Variants in SMYD1 observed in about 807,000 individuals in gnomAD.
SMYD1 encodes histone-lysine N-methyltransferase SMYD1.
Under a neutral mutation model 54.0 loss-of-function variants are expected in SMYD1, and 49 were observed. The observed-to-expected ratio is 0.91, with a 90% CI of 0.72 to 1.15. The LOEUF is 1.15. SMYD1 is among the 50% of genes most tolerant of loss of function. SMYD1 has a pLI of 0.00. For missense variants in SMYD1, 653 were observed against 639.6 expected (o/e 1.02, Z -0.23); for synonymous variants, 269 against 234.2 (o/e 1.15, Z -1.36).
intron 1 of SMYD1, among the ~76,000 whole-genome samples, chr2:88,083,628 A>C (rs1226051548): frequency 6.6e-6 from 1 of 151,920 alleles, no homozygotes; most frequent in East Asian, 1.9e-4. Context: ...TTTTGCATAC[A>C]ATACTGTGTT....
chr2:88,086,529 C>T (rs1417270311), intron 2 of SMYD1, among the ~76,000 whole-genome samples: 1 of 152,180 alleles, frequency 6.6e-6, no homozygotes, highest in Non-Finnish European at 1.5e-5. Context: ...CCTCCTGTCC[C>T]ACCTGGCCTC....
chr2:88,101,490 AG>A (rs1475610554), intron 6 of SMYD1, among the ~76,000 whole-genome samples: 1 of 152,262 alleles, frequency 6.6e-6, no homozygotes, highest in Non-Finnish European at 1.5e-5. Context: ...TCAATCCTAT[AG>A]GCACATACAC....
intron 3 of SMYD1, among the ~76,000 whole-genome samples, chr2:88,089,585 GTT>G (rs59808789): frequency 8.0e-4 from 86 of 107,000 alleles, no homozygotes; most frequent in Admixed American, 1.1e-3. Context: ...GCTTCTACCT[GTT>G]TTTTTTTTTT....
chr2:88,104,304 C>G lies in SMYD1; in HGVS notation c.981+1154C>G, dbSNP rs13412687. ...TATTTCCCTTCTCCTCTTCCTCCTT[C>G]TTTACTAACTCATTTATTGCACATT... On this transcript the variant is annotated intron_variant, in intron 7 of 9. Transcript: ENST00000419482. 8.1e-3 allele frequency among the ~76,000 whole-genome samples: 1,238 copies of G among 152,304 alleles called. 17 individuals are homozygous for G. Among genetic ancestry groups the G allele is most frequent in the African/African-American group, 0.028 (1,155 of 41,560 alleles).
chr2:88,073,343 C>A (rs1673990299), intron 1 of SMYD1, among the ~76,000 whole-genome samples: 1 of 152,260 alleles, frequency 6.6e-6, no homozygotes, highest in African/African-American at 2.4e-5. Flanking sequence ...CATGTCCTTG[C>A]TACTGTGGAT....
intron 3 of SMYD1, among the ~76,000 whole-genome samples, chr2:88,088,470 G>C (rs1315645731): frequency 6.6e-6 from 1 of 152,076 alleles, no homozygotes; most frequent in Non-Finnish European, 1.5e-5. Flanking sequence ...GAGGCCAAGA[G>C]GACTGAAGGA....
At chr2:88,102,670 T>C (rs750912463) in intron 6 of SMYD1, among the ~76,000 whole-genome samples, 4 of 152,236 alleles carry the variant, frequency 2.6e-5, no homozygotes, top group Non-Finnish European at 5.9e-5. Flanking sequence ...TGTAAGGATG[T>C]ACCTGTGGAA....
At chr2:88,069,338 G>T (rs753005836) in intron 1 of SMYD1, among the ~76,000 whole-genome samples, 1 of 152,158 alleles carries the variant, frequency 6.6e-6, no homozygotes, top group South Asian at 2.1e-4. Context: ...AGGGAAAAGG[G>T]TGTGAACTGG....
Position 88,087,853 on chromosome 2 carries a change from T to TTAA in SMYD1, c.315-8_315-7insAAT. 6.4e-7 allele frequency: 1 copy of TTAA among 1,558,874 alleles called. No individual in the cohort carries two copies. The highest frequency in any genetic ancestry group is 8.7e-7 in the Non-Finnish European group (1 of 1,151,726). ...CTGTAGTGGCCTCCTGACGCTGCCCTTCCCACAGGCTGGCGGCGCGCATCA... is the reference window on the plus strand; with the variant it reads ...CTGTAGTGGCCTCCTGACGCTGCCCTTAATCCCACAGGCTGGCGGCGCGCATCA... On this transcript the variant is annotated splice_polypyrimidine_tract_variant and intron_variant, in intron 2 of 9. Transcript: ENST00000419482.
chr2:88,109,397 G>A (rs1674958510), intron 9 of SMYD1, among the ~76,000 whole-genome samples: 1 of 152,152 alleles, frequency 6.6e-6, no homozygotes, highest in South Asian at 2.1e-4. Flanking sequence ...CTGGTTGTGT[G>A]ATTTTGCAAA....
chr2:88,072,047 C>G (rs1304987165), intron 1 of SMYD1, among the ~76,000 whole-genome samples: 1 of 151,374 alleles, frequency 6.6e-6, no homozygotes, highest in Non-Finnish European at 1.5e-5. Context: ...GGTGTATATC[C>G]TCCTTGTTTT....
At chr2:88,108,648 AGAC>A in intron 9 of SMYD1, 109 bp downstream of exon 9, 4 of 1,175,524 alleles carry the variant, frequency 3.4e-6, no homozygotes, top group Non-Finnish European at 4.6e-6. Flanking sequence ...ACTCCCAGCT[AGAC>A]AAAAGGGAAC....
At chr2:88,079,944 T>C (rs917086440) in intron 1 of SMYD1, among the ~76,000 whole-genome samples, 1 of 152,226 alleles carries the variant, frequency 6.6e-6, no homozygotes, top group Non-Finnish European at 1.5e-5. Context: ...GGGTCTAAGT[T>C]CTGAAAAACT....
intron 1 of SMYD1, among the ~76,000 whole-genome samples, chr2:88,073,215 C>T (rs1673987419): frequency 6.6e-6 from 1 of 152,180 alleles, no homozygotes; most frequent in East Asian, 1.9e-4. Context: ...CAGTTGCACC[C>T]ATATTGCTGC....
intron 1 of SMYD1, among the ~76,000 whole-genome samples, chr2:88,069,621 A>G (rs933621886): frequency 6.6e-6 from 1 of 152,230 alleles, no homozygotes; most frequent in Non-Finnish European, 1.5e-5. Context: ...AATCTAGCCA[A>G]TCAGTTCCAT....
intron 3 of SMYD1, among the ~76,000 whole-genome samples, chr2:88,088,959 GTGAGCAGGC>G (rs1421755059): frequency 6.6e-6 from 1 of 152,188 alleles, no homozygotes; most frequent in Non-Finnish European, 1.5e-5. Context: ...TGTGGTGAAG[GTGAGCAGGC>G]TGAGGACGGA....
intron 8 of SMYD1, among the ~76,000 whole-genome samples, chr2:88,107,972 C>A (rs1558860021): frequency 6.6e-6 from 1 of 152,216 alleles, no homozygotes; most frequent in Non-Finnish European, 1.5e-5. Context: ...TCCGACAATC[C>A]CCAGTGAGAT....
intron 1 of SMYD1, among the ~76,000 whole-genome samples, chr2:88,082,076 C>A (rs1189012043): frequency 6.6e-6 from 1 of 152,114 alleles, no homozygotes; most frequent in African/African-American, 2.4e-5. Flanking sequence ...GGCCGGAGTT[C>A]CATGTGGGCC....
chr2:88,087,436 C>A (rs1674357606), intron 2 of SMYD1, among the ~76,000 whole-genome samples: 1 of 152,172 alleles, frequency 6.6e-6, no homozygotes, highest in Non-Finnish European at 1.5e-5. Context: ...GCCACCTCTG[C>A]CTTCCTGCTA....
Sources: gnomAD v4.1 joint callset for allele counts (sites outside exome capture counted in the v4.1 genomes callset) on GRCh38, gnomAD v4.1.1 for gene constraint, MANE v1.5 for transcripts, NCBI Gene and HGNC (gene_info 2026-07-23, HGNC 2026-07-21) for gene names.